Variants in CUX2 observed in about 807,000 individuals in gnomAD.
The protein encoded by CUX2 is homeobox protein cut-like 2.
A neutral mutation model predicts 144.8 loss-of-function variants in CUX2; 40 were observed. The ratio of observed to expected loss-of-function variants is 0.28; its 90% CI spans 0.21 to 0.36. The LOEUF is 0.36. Ranked by LOEUF, CUX2 falls within the 10% of genes least tolerant of loss-of-function variation. The pLI is 1.00. For synonymous variants in CUX2, 827 were observed against 875.6 expected (o/e 0.94, Z 0.98); for missense variants, 1,615 against 1,994.0 (o/e 0.81, Z 3.62).
At chr12:111,076,833 A>T (rs1871560621) in intron 1 of CUX2, among the ~76,000 whole-genome samples, 1 of 152,150 alleles carries the variant, frequency 6.6e-6, no homozygotes, top group Non-Finnish European at 1.5e-5. Context: ...AAACTTTGGC[A>T]TGGGTATATG....
intron 1 of CUX2, among the ~76,000 whole-genome samples, chr12:111,142,125 A>G (rs1423149073): frequency 6.6e-6 from 1 of 152,194 alleles, no homozygotes; most frequent in Admixed American, 6.5e-5. Context: ...GGGCAATGGA[A>G]TATAGGATGC....
chr12:111,078,860 G>T (rs184607844), intron 1 of CUX2, among the ~76,000 whole-genome samples: 3 of 152,150 alleles, frequency 2.0e-5, no homozygotes, highest in Non-Finnish European at 4.4e-5. Flanking sequence ...TGGCTTAACT[G>T]GGGGAAGCGG....
At chr12:111,224,836 C>G (rs1015546339) in intron 3 of CUX2, among the ~76,000 whole-genome samples, 16 of 152,144 alleles carry the variant, frequency 1.1e-4, no homozygotes, top group Admixed American at 9.8e-4. Context: ...TTTAGATCGT[C>G]TGTTTCCTGG....
At chr12:111,294,515 C>T (rs1885862127) in intron 6 of CUX2, among the ~76,000 whole-genome samples, 2 of 146,952 alleles carry the variant, frequency 1.4e-5, no homozygotes, top group South Asian at 2.1e-4. Context: ...CCCAGGTGGT[C>T]GAGGCTGTAG....
intron 10 of CUX2, among the ~76,000 whole-genome samples, chr12:111,306,691 A>G (rs1192849969): frequency 1.3e-5 from 2 of 152,194 alleles, no homozygotes; most frequent in Non-Finnish European, 2.9e-5. Context: ...TCCTTTTGTC[A>G]TGGCTATTCT....
chr12:111,244,670 A>G (rs1419599206), intron 3 of CUX2, among the ~76,000 whole-genome samples: 1 of 152,196 alleles, frequency 6.6e-6, no homozygotes. Flanking sequence ...CACTTCCATC[A>G]GGATTTTCCC....
intron 9 of CUX2, among the ~76,000 whole-genome samples, chr12:111,301,038 C>CAAA (rs3061127): frequency 0.058 from 6,179 of 106,410 alleles, 169 homozygotes; most frequent in South Asian, 0.084. Context: ...GACCCTATCT[C>CAAA]AAAAAAAAAA....
chr12:111,345,246 G>A (rs888427530), intron 21 of CUX2, among the ~76,000 whole-genome samples: 20 of 150,728 alleles, frequency 1.3e-4, no homozygotes, highest in Non-Finnish European at 1.0e-4. Flanking sequence ...TCAAGAGATC[G>A]AGACCATCCT....
chr12:111,080,242 G>A (rs1417172776), intron 1 of CUX2, among the ~76,000 whole-genome samples: 2 of 151,696 alleles, frequency 1.3e-5, no homozygotes, highest in African/African-American at 2.4e-5. Flanking sequence ...CTAAAATCCC[G>A]TAACACACAC....
At chr12:111,099,001 C>A (rs1414533694) in intron 1 of CUX2, among the ~76,000 whole-genome samples, 1 of 152,176 alleles carries the variant, frequency 6.6e-6, no homozygotes, top group Non-Finnish European at 1.5e-5. Flanking sequence ...GAGTAGGAGC[C>A]GGGAGGCCTC....
chr12:111,034,173 C>T lies in CUX2; in HGVS notation c.-5C>T. 1 of 1,399,316 alleles carries T rather than the reference C, an allele frequency of 7.1e-7. No homozygotes were observed. The highest frequency in any genetic ancestry group is 9.5e-7 in the Non-Finnish European group (1 of 1,047,218). The allele number at this position is 1,399,316 out of a possible 1,614,324, so 86.7% of individuals were successfully genotyped here. On this transcript the variant is annotated 5_prime_UTR_variant, in exon 1 of 22. Coordinates refer to ENST00000261726, the MANE Select transcript of CUX2 (RefSeq NM_015267.4). This position sits in a 1 kb window ranked among gnomAD's most constrained non-coding sequence, Gnocchi z 4.2. ...TTGTGTGTGCGCGTCTCGATAGCCC[C>T]CAAGATGGCCGCCAATGTGGGATCG... is the stretch of plus-strand genomic sequence containing the variant.
chr12:111,188,155 A>C (rs1879665578), intron 1 of CUX2, among the ~76,000 whole-genome samples: 1 of 152,256 alleles, frequency 6.6e-6, no homozygotes, highest in Non-Finnish European at 1.5e-5. Context: ...TTGTTCCTTC[A>C]GCAAGCATTT....
In CUX2 at chr12:111,312,323, GC is replaced by G; in HGVS notation, c.2002+124del. 1.2e-6 allele frequency: 1 copy of G among 808,866 alleles called. No homozygotes were observed. Among genetic ancestry groups the G allele is most frequent in the Non-Finnish European group, 2.0e-6 (1 of 510,828 alleles). 50.1% of individuals were successfully genotyped at this position (808,866 alleles called of 1,614,324 possible). ...CCAAGGTGGATCAGAACCACCAGAG[GC>G]CAGAGGGACCTGTCTAGAGCGCATG... On this transcript the variant is annotated intron_variant, in intron 16 of 21. Transcript: ENST00000261726. This position sits in a 1 kb window ranked among gnomAD's most constrained non-coding sequence, Gnocchi z 4.3.
At position 111,171,412 on chromosome 12, in the gene CUX2, C is replaced by T. The variant is rs1878512227; in HGVS notation, c.64-42788C>T. ...GCTTTTCTGAGACCGGCCAGAAGGA[C>T]AGACGAGAGGGGTTTCTTATGCACC... On this transcript the variant is annotated intron_variant, in intron 1 of 21. Coordinates refer to ENST00000261726, the MANE Select transcript of CUX2 (RefSeq NM_015267.4). The surrounding 1 kb of genome is among the most constrained non-coding windows in gnomAD (Gnocchi z 5.0). Among the ~76,000 whole-genome samples the T allele has an allele frequency of 6.6e-6, 1 of 152,188 alleles. No individual in the cohort carries two copies. The highest frequency in any genetic ancestry group is 2.4e-5 in the African/African-American group (1 of 41,460).
At chr12:111,046,909 G>A (rs1442973217) in intron 1 of CUX2, among the ~76,000 whole-genome samples, 1 of 152,128 alleles carries the variant, frequency 6.6e-6, no homozygotes, top group Non-Finnish European at 1.5e-5. Flanking sequence ...TGCCTGCCTC[G>A]GCCTCCCACA....
chr12:111,281,621 G>A (rs1211032388), intron 4 of CUX2, among the ~76,000 whole-genome samples: 1 of 152,206 alleles, frequency 6.6e-6, no homozygotes, highest in African/African-American at 2.4e-5. Context: ...AAGGACTCAG[G>A]TGCCCTGAGG....
At chr12:111,252,675 TTCAG>T (rs1240754878) in intron 3 of CUX2, among the ~76,000 whole-genome samples, 1 of 151,840 alleles carries the variant, frequency 6.6e-6, no homozygotes, top group Non-Finnish European at 1.5e-5. Flanking sequence ...GGTTTGTTCA[TTCAG>T]TCAGTGTTGG....
chr12:111,241,812 G>A (rs1043545856), intron 3 of CUX2, among the ~76,000 whole-genome samples: 2 of 152,258 alleles, frequency 1.3e-5, no homozygotes, highest in African/African-American at 4.8e-5. Flanking sequence ...CCCTGACAGC[G>A]TGACACTTTA....
chr12:111,347,872 G>T lies in CUX2; in HGVS notation c.4008G>T (p.Pro1336=). The T allele has an allele frequency of 6.2e-7, 1 of 1,614,112 alleles. No individual in the cohort carries two copies. Among genetic ancestry groups the T allele is most frequent in the Non-Finnish European group, 8.5e-7 (1 of 1,180,014 alleles). Residue 1336 remains proline, a synonymous_variant, in exon 22 of 22, where the codon CCG becomes CCT. Transcript: ENST00000261726. ...GPPKEEHPDP[P]GNDGLPKVAP... ...CCAAAGAGGAGCATCCCGACCCTCC[G>T]GGTAATGATGGACTCCCAAAAGTGG...
Sources: allele counts gnomAD v4.1 joint callset (sites outside exome capture counted in the v4.1 genomes callset), GRCh38; gene constraint gnomAD v4.1.1; non-coding constraint Gnocchi (gnomAD v3.1); transcripts MANE v1.5; gene names NCBI Gene and HGNC (gene_info 2026-07-23, HGNC 2026-07-21).